Variants in EYS observed in about 807,000 individuals in gnomAD.
The protein encoded by EYS is EGF-like photoreceptor maintenance factor.
A neutral mutation model predicts 282.1 loss-of-function variants in EYS; 250 were observed. That is an observed-to-expected ratio of 0.89 (90% confidence interval 0.80 to 0.98). EYS has a LOEUF of 0.98. EYS is among the 50% of genes least tolerant of loss of function. EYS has a pLI of 0.00. For synonymous variants in EYS, 1,355 were observed against 1,282.9 expected, an observed-to-expected ratio of 1.06 and a Z score of -1.20; for missense variants, 4,016 against 3,709.0, an observed-to-expected ratio of 1.08 and a Z score of -2.15.
intron 22 of EYS, among the ~76,000 whole-genome samples, chr6:64,634,354 T>C (rs981058395): frequency 2.0e-5 from 3 of 152,100 alleles, no homozygotes; most frequent in African/African-American, 7.2e-5. Context: ...ATGTACAAAA[T>C]GAGGACTAAT....
chr6:63,788,924 C>T (rs1770437587), intron 38 of EYS, 134 bp downstream of exon 38: 1 of 785,306 alleles, frequency 1.3e-6, no homozygotes, highest in Non-Finnish European at 2.0e-6. Context: ...CTCTCTATTC[C>T]CCTAGTTGGT....
intron 26 of EYS, among the ~76,000 whole-genome samples, chr6:64,511,591 G>A (rs138012913): frequency 1.8e-4 from 28 of 151,990 alleles, no homozygotes; most frequent in African/African-American, 6.0e-4. Context: ...AAGGATGTAC[G>A]CAACTCTGCA....
chr6:64,397,839 C>A (rs908717444), intron 28 of EYS, among the ~76,000 whole-genome samples: 3 of 151,850 alleles, frequency 2.0e-5, no homozygotes, highest in Non-Finnish European at 4.4e-5. Flanking sequence ...GGTTTTTAAT[C>A]TAACATGCGC....
chr6:65,695,977 G>T (rs543258453), intron 1 of EYS, among the ~76,000 whole-genome samples: 8 of 151,936 alleles, frequency 5.3e-5, no homozygotes, highest in African/African-American at 1.9e-4. Context: ...TTCTAAAGCC[G>T]TATGAAATCC....
chr6:63,757,735 C>A (rs1769525971), intron 41 of EYS, among the ~76,000 whole-genome samples: 1 of 152,098 alleles, frequency 6.6e-6, no homozygotes, highest in Non-Finnish European at 1.5e-5. Context: ...ATAGAAAGAA[C>A]CTACGTTGAA....
At chr6:64,660,180 TCAA>T (rs1318537119) in intron 22 of EYS, among the ~76,000 whole-genome samples, 2 of 152,180 alleles carry the variant, frequency 1.3e-5, no homozygotes, top group African/African-American at 4.8e-5. Context: ...TTGACAAAAT[TCAA>T]CAACACTTCA....
chr6:65,355,148 T>A (rs142107498), intron 8 of EYS, among the ~76,000 whole-genome samples: 1 of 152,108 alleles, frequency 6.6e-6, no homozygotes. Flanking sequence ...ATTGATAGGA[T>A]CCTGTAGAGT....
intron 26 of EYS, among the ~76,000 whole-genome samples, chr6:64,497,416 G>A (rs1326270274): frequency 6.6e-6 from 1 of 152,090 alleles, no homozygotes; most frequent in South Asian, 2.1e-4. Flanking sequence ...CATGGTTGAA[G>A]AATTTCATAA....
chr6:64,356,062 A>G (rs1052696455), intron 29 of EYS, among the ~76,000 whole-genome samples: 9 of 151,794 alleles, frequency 5.9e-5, no homozygotes, highest in African/African-American at 2.2e-4. Context: ...CAGGGCCAAC[A>G]TTACAACATG....
intron 22 of EYS, among the ~76,000 whole-genome samples, chr6:64,813,133 A>G (rs576809017): frequency 1.3e-5 from 2 of 151,842 alleles, no homozygotes; most frequent in Non-Finnish European, 2.9e-5. Flanking sequence ...ATAAAAAAAC[A>G]ATGATAAAAT....
At chr6:63,976,495 C>A (rs534282684) in intron 35 of EYS, among the ~76,000 whole-genome samples, 3 of 152,076 alleles carry the variant, frequency 2.0e-5, no homozygotes, top group African/African-American at 7.2e-5. Context: ...TTGATGGAGG[C>A]GCAAATGAAT....
chr6:65,611,864 A>G (rs1381406537), intron 2 of EYS, among the ~76,000 whole-genome samples: 2 of 152,056 alleles, frequency 1.3e-5, no homozygotes, highest in Non-Finnish European at 2.9e-5. Context: ...TCTATTCTTG[A>G]GCCAAGCTTA....
In EYS at chr6:64,393,705, C is replaced by T. The variant is rs1773247722; in HGVS notation, c.5928-4865G>A. Among the ~76,000 whole-genome samples the T allele has an allele frequency of 4.0e-5, 6 of 151,156 alleles. No individual in the cohort carries two copies. The South Asian group carries it at 1.3e-3, about 32-fold the overall frequency. ...GAATGGGCAAAAACTGGAAGCATTC[C>T]CTTTGAAAACTGGCACAAGACAGGG... On this transcript the variant is annotated intron_variant, in intron 28 of 42. Coordinates refer to ENST00000503581, the MANE Select transcript of EYS (RefSeq NM_001142800.2).
At chr6:64,921,185 C>T (rs1768336866) in intron 15 of EYS, among the ~76,000 whole-genome samples, 1 of 152,046 alleles carries the variant, frequency 6.6e-6, no homozygotes, top group Non-Finnish European at 1.5e-5. Context: ...AGACTATATG[C>T]ATATAACACC....
rs1037624592 is a variant in EYS at position 65,668,017 on chromosome 6, G to T, written c.-447-28125C>A. 3.9e-5 allele frequency among the ~76,000 whole-genome samples: 6 copies of T among 151,974 alleles called. No individual in the cohort carries two copies. In the South Asian group the frequency reaches 1.2e-3, roughly 31 times the overall value. ...TAGAAATATCAGCAAATGCACCATT[G>T]AAGTAGTATCAGTAGTACACAAAGC... On this transcript the variant is annotated intron_variant, in intron 1 of 42. Coordinates refer to ENST00000503581, the MANE Select transcript of EYS (RefSeq NM_001142800.2).
At chr6:63,941,407 T>C (rs559089370) in intron 35 of EYS, among the ~76,000 whole-genome samples, 1 of 152,294 alleles carries the variant, frequency 6.6e-6, no homozygotes, top group African/African-American at 2.4e-5. Flanking sequence ...CTCATTATGG[T>C]TTTGATTTGC....
At chr6:65,027,882 A>G (rs1772469972) in intron 13 of EYS, among the ~76,000 whole-genome samples, 1 of 152,196 alleles carries the variant, frequency 6.6e-6, no homozygotes. Context: ...CCCTATAAAC[A>G]TTTGCATATA....
chr6:64,880,836 A>G lies in EYS; in HGVS notation c.2992+5861T>C, dbSNP rs947834615. The stretch of plus-strand genomic sequence containing the variant: ...TGTATAAGAGATTTTATATATATAT[A>G]TACACACACACATATATTTCTATAC... On this transcript the variant is annotated intron_variant, in intron 19 of 42. Transcript: ENST00000503581. 2.7e-5 allele frequency among the ~76,000 whole-genome samples: 4 copies of G among 149,812 alleles called. No individual in the cohort carries two copies. In the Admixed American group the frequency reaches 2.7e-4, roughly 10 times the overall value.
At chr6:65,423,672 C>A (rs1767551228) in intron 5 of EYS, among the ~76,000 whole-genome samples, 2 of 151,938 alleles carry the variant, frequency 1.3e-5, no homozygotes, top group South Asian at 2.1e-4. Context: ...AGTCACCTAG[C>A]TAACCCACTT....
Sources: gnomAD v4.1 joint callset for allele counts (sites outside exome capture counted in the v4.1 genomes callset) on GRCh38, gnomAD v4.1.1 for gene constraint, MANE v1.5 for transcripts, NCBI Gene and HGNC (gene_info 2026-07-23, HGNC 2026-07-21) for gene names.